The following TMEM196 variants were observed in gnomAD, a reference collection of about 807,000 sequenced individuals.
TMEM196 encodes the protein transmembrane protein 196.
In TMEM196, 17 loss-of-function variants were observed where a neutral mutation model predicts 20.0. That is an observed-to-expected ratio of 0.85 (90% confidence interval 0.58 to 1.27). The LOEUF (loss-of-function observed/expected upper bound fraction) is 1.27, where lower values mean the gene tolerates loss of function less well. Ranked by LOEUF, TMEM196 falls within the 50% of genes most tolerant of loss-of-function variation. TMEM196 has a pLI of 0.00. For synonymous variants in TMEM196, 113 were observed against 88.9 expected (o/e 1.27, Z -1.52); for missense variants, 267 against 223.0 (o/e 1.20, Z -1.26).
chr7:19,760,200 C>A lies in TMEM196; in HGVS notation c.147+12350G>T, dbSNP rs966147594. Among the ~76,000 whole-genome samples, 11 of 152,206 alleles carry A rather than the reference C, an allele frequency of 7.2e-5. No homozygotes were observed. The South Asian group carries it at 1.0e-3, about 14-fold the overall frequency. On this transcript the variant is annotated intron_variant, in intron 1 of 4. Coordinates refer to ENST00000405844, the MANE Select transcript of TMEM196 (RefSeq NM_001363562.2). ...TCCTATCTCAGCATCTTTACTCACG[C>A]TATTCCTCTGCATGAAACAATGCTC... is the stretch of plus-strand genomic sequence containing the variant.
chr7:19,744,722 C>T (rs1269952379), intron 1 of TMEM196, among the ~76,000 whole-genome samples: 1 of 152,138 alleles, frequency 6.6e-6, no homozygotes, highest in Non-Finnish European at 1.5e-5. Context: ...CAAATGGAAA[C>T]ATTTCTGAAT....
chr7:19,759,540 T>G (rs903067918), intron 1 of TMEM196, among the ~76,000 whole-genome samples: 1 of 152,092 alleles, frequency 6.6e-6, no homozygotes, highest in Non-Finnish European at 1.5e-5. Flanking sequence ...TATCTAACAG[T>G]CCACAGCATC....
At position 19,721,374 on chromosome 7, in the gene TMEM196, C is replaced by T. The variant is rs1468523764; in HGVS notation, c.*754G>A. ...CACACATTCACACACATACTTTATT[C>T]TTAGGCTCATTCATGAACATGCAGA... is the stretch of plus-strand genomic sequence containing the variant. On this transcript the variant is annotated 3_prime_UTR_variant, in exon 5 of 5. Transcript: ENST00000405844. 1 of 151,906 alleles carries T rather than the reference C, an allele frequency of 6.6e-6. No homozygotes were observed. The highest frequency in any genetic ancestry group is 1.5e-5 in the Non-Finnish European group (1 of 67,854). 9.4% of individuals were successfully genotyped at this position (151,906 alleles called of 1,614,324 possible).
chr7:19,726,678 C>A (rs1332700587), intron 2 of TMEM196, among the ~76,000 whole-genome samples: 1 of 151,762 alleles, frequency 6.6e-6, no homozygotes, highest in Non-Finnish European at 1.5e-5. Flanking sequence ...CTGGCAGAAC[C>A]AAGAATAATG....
At chr7:19,728,867 G>A (rs1247918006) in intron 2 of TMEM196, among the ~76,000 whole-genome samples, 3 of 152,152 alleles carry the variant, frequency 2.0e-5, no homozygotes, top group African/African-American at 7.2e-5. Context: ...AAACACTTAT[G>A]TGTGCATTCA....
intron 4 of TMEM196, among the ~76,000 whole-genome samples, chr7:19,724,018 T>G (rs1783900575): frequency 6.6e-6 from 1 of 152,022 alleles, no homozygotes; most frequent in African/African-American, 2.4e-5. Flanking sequence ...AAAGGAGTCA[T>G]GAATCATCCA....
chr7:19,723,258 A>G (rs1583412213), intron 4 of TMEM196, among the ~76,000 whole-genome samples: 1 of 152,020 alleles, frequency 6.6e-6, no homozygotes, highest in African/African-American at 2.4e-5. Context: ...CAAAATAGGT[A>G]GAATCACCCC....
rs138528151 is a variant in TMEM196, at chr7:19,735,600, A to C, written c.148-6162T>G. On this transcript the variant is annotated intron_variant, in intron 1 of 4. Transcript: ENST00000405844. Reference sequence around the variant, plus strand: ...AAAAAAGGCAATGGTAGAATTTTCCAGTTTGAATTATGTAATGGAAAATTT... The same window carrying C: ...AAAAAAGGCAATGGTAGAATTTTCCCGTTTGAATTATGTAATGGAAAATTT... Among the ~76,000 whole-genome samples, 8 of 152,274 alleles carry C rather than the reference A, an allele frequency of 5.3e-5. No individual in the cohort carries two copies. In the East Asian group the frequency reaches 1.5e-3, roughly 29 times the overall value.
At chr7:19,724,189 A>G (rs1359437656) in intron 4 of TMEM196, 91 bp downstream of exon 4, 10 of 1,144,392 alleles carry the variant, frequency 8.7e-6, no homozygotes, top group Non-Finnish European at 1.3e-5. Flanking sequence ...ACATCAGTTC[A>G]GACTGATCTG....
chr7:19,748,545 G>A (rs891291057), intron 1 of TMEM196, among the ~76,000 whole-genome samples: 9 of 152,144 alleles, frequency 5.9e-5, no homozygotes, highest in Non-Finnish European at 1.3e-4. Context: ...AAATCCAGTC[G>A]TCTGACATAA....
At chr7:19,732,631 T>G (rs904736372) in intron 1 of TMEM196, among the ~76,000 whole-genome samples, 82 of 138,586 alleles carry the variant, frequency 5.9e-4, no homozygotes, top group East Asian at 5.9e-3. Context: ...AGTTTTTTTT[T>G]TTTGTGTGTG....
intron 1 of TMEM196, among the ~76,000 whole-genome samples, chr7:19,758,312 C>A (rs1195823271): frequency 6.6e-6 from 1 of 152,112 alleles, no homozygotes; most frequent in Admixed American, 6.5e-5. Context: ...AAAGCCATTT[C>A]TTTGAAACTT....
At chr7:19,752,609 C>A (rs562095213) in intron 1 of TMEM196, among the ~76,000 whole-genome samples, 1 of 150,878 alleles carries the variant, frequency 6.6e-6, no homozygotes, top group African/African-American at 2.4e-5. Context: ...TTATGTATTT[C>A]TTTCTTTCTT....
intron 1 of TMEM196, among the ~76,000 whole-genome samples, chr7:19,740,190 A>G (rs73680702): frequency 0.054 from 8,226 of 152,278 alleles, 730 homozygotes; most frequent in African/African-American, 0.19. Flanking sequence ...AAAGATTACT[A>G]TTCACTGATA....
chr7:19,731,682 G>C (rs1353582556), intron 1 of TMEM196, among the ~76,000 whole-genome samples: 2 of 152,190 alleles, frequency 1.3e-5, no homozygotes, highest in South Asian at 2.1e-4. Context: ...AGGTGGTCAG[G>C]AGCATAAGCA....
In TMEM196 at chr7:19,752,907, C is replaced by T. The variant is rs531388760; in HGVS notation, c.147+19643G>A. Among the ~76,000 whole-genome samples the T allele has an allele frequency of 5.3e-5, 8 of 152,252 alleles. 1 individual carries two copies. In the Middle Eastern group the frequency reaches 0.01, roughly 194 times the overall value. ...GGATTACAAGCATGAGCCACCCGCC[C>T]GGCCTTTTTGTTCAATTTTTAAAAT... On this transcript the variant is annotated intron_variant, in intron 1 of 4. Coordinates refer to ENST00000405844, the MANE Select transcript of TMEM196 (RefSeq NM_001363562.2).
chr7:19,732,622 G>GT (rs35891413), intron 1 of TMEM196, among the ~76,000 whole-genome samples: 4,813 of 133,002 alleles, frequency 0.036, 107 homozygotes, highest in South Asian at 0.065. Context: ...GATTTTTAGA[G>GT]TTTTTTTTTT....
intron 1 of TMEM196, among the ~76,000 whole-genome samples, chr7:19,739,785 AC>A (rs1204098149): frequency 6.6e-6 from 1 of 152,166 alleles, no homozygotes; most frequent in Non-Finnish European, 1.5e-5. Flanking sequence ...TTTCAAACTA[AC>A]TCAAATATGT....
rs1349102755 is a variant in TMEM196, at chr7:19,720,956, A to G, written c.*1172T>C. On this transcript the variant is annotated 3_prime_UTR_variant, in exon 5 of 5. Transcript: ENST00000405844. ...ATCATCAATAATTTTAAGTCATGAT[A>G]TCTTTATAAATACGGAAGTATGTCA... The G allele has an allele frequency of 6.6e-6, 1 of 152,082 alleles. No individual in the cohort carries two copies. Among genetic ancestry groups the G allele is most frequent in the Non-Finnish European group, 1.5e-5 (1 of 67,820 alleles). The allele number at this position is 152,082 out of a possible 1,614,324, so 9.4% of individuals were successfully genotyped here.
Sources: gnomAD v4.1 joint callset for allele counts (sites outside exome capture counted in the v4.1 genomes callset) on GRCh38, gnomAD v4.1.1 for gene constraint, MANE v1.5 for transcripts, NCBI Gene and HGNC (gene_info 2026-07-23, HGNC 2026-07-21) for gene names.